CELF5: variants seen among roughly 807,000 people sequenced by gnomAD.
The protein encoded by CELF5 is CUG-BP and ETR-3 like factor 5.
Under a neutral mutation model 54.9 loss-of-function variants are expected in CELF5, and 6 were observed. The ratio of observed to expected loss-of-function variants is 0.11; its 90% CI spans 0.06 to 0.22. CELF5 has a LOEUF of 0.22. CELF5 is among the 10% of genes least tolerant of loss of function. The pLI, the probability that CELF5 is intolerant of heterozygous loss-of-function variation, is 1.00. For missense variants in CELF5, 401 were observed against 678.6 expected (o/e 0.59, Z 4.54); for synonymous variants, 271 against 290.9 (o/e 0.93, Z 0.70).
At chr19:3,256,582 T>G (rs1478734072) in intron 2 of CELF5, among the ~76,000 whole-genome samples, 2 of 149,826 alleles carry the variant, frequency 1.3e-5, no homozygotes, top group Non-Finnish European at 3.0e-5. Flanking sequence ...TATTAATTTT[T>G]TTTTGAGACG....
intron 1 of CELF5, among the ~76,000 whole-genome samples, chr19:3,244,496 T>G (rs1339230618): frequency 6.7e-6 from 1 of 149,156 alleles, no homozygotes; most frequent in African/African-American, 2.5e-5. Context: ...GCGGTGTGCA[T>G]GCATCTGTGT....
At chr19:3,227,079 GAGATAC>G (rs1217002242) in intron 1 of CELF5, among the ~76,000 whole-genome samples, 1 of 152,168 alleles carries the variant, frequency 6.6e-6, no homozygotes, top group African/African-American at 2.4e-5. Flanking sequence ...GTCTGTGTGT[GAGATAC>G]AGGGGCTTCA....
intron 1 of CELF5, among the ~76,000 whole-genome samples, chr19:3,229,954 G>A (rs768070343): frequency 8.5e-5 from 13 of 152,128 alleles, no homozygotes; most frequent in African/African-American, 3.1e-4. Context: ...AGGCTCTTCC[G>A]AGGGGTCTTA....
rs558183421 is a variant in CELF5 at position 3,281,461 on chromosome 19, C to T, written c.750+116C>T. ...TCCCTGACTCAGGGTCCTCTCCTGG[C>T]GTGGCTGAACCCCAACTCCAAATTG... On this transcript the variant is annotated intron_variant, in intron 6 of 12. Coordinates refer to ENST00000292672, the MANE Select transcript of CELF5 (RefSeq NM_021938.4). The surrounding 1 kb of genome is among the most constrained non-coding windows in gnomAD (Gnocchi z 6.5). 25 of 1,203,504 alleles carry T rather than the reference C, an allele frequency of 2.1e-5. No homozygotes were observed. Among genetic ancestry groups the T allele is most frequent in the African/African-American group, 1.2e-4 (8 of 66,310 alleles). The allele number at this position is 1,203,504 out of a possible 1,614,324, so 74.6% of individuals were successfully genotyped here. A position where few individuals can be genotyped will look rare whatever the true frequency, so the allele number is the denominator to read the frequency against.
At chr19:3,296,120 G>A (rs1350385683) in intron 12 of CELF5, 1 of 150,792 alleles carries the variant, frequency 6.6e-6, no homozygotes, top group East Asian at 1.9e-4. Context: ...AAAAAGATGG[G>A]GGGAAAAAAT....
At chr19:3,238,870 T>C (rs1170050731) in intron 1 of CELF5, among the ~76,000 whole-genome samples, 1 of 152,092 alleles carries the variant, frequency 6.6e-6, no homozygotes, top group Non-Finnish European at 1.5e-5. Flanking sequence ...GAGGTTGCAG[T>C]GAGCCAAGAT....
chr19:3,248,853 TCTTC>T (rs56977899), intron 1 of CELF5, among the ~76,000 whole-genome samples: 8,551 of 118,758 alleles, frequency 0.072, 407 homozygotes, highest in Admixed American at 0.13. Context: ...TTTCTTTCTT[TCTTC>T]CTTCCTTCCT....
chr19:3,254,917 T>C (rs2079700631), intron 2 of CELF5, among the ~76,000 whole-genome samples: 1 of 151,776 alleles, frequency 6.6e-6, no homozygotes, highest in Admixed American at 6.6e-5. Context: ...ATCCATTCAT[T>C]CATCACTCAC....
rs975226652 is a variant in CELF5, at chr19:3,268,272, G to C, written c.343-5600G>C. Among the ~76,000 whole-genome samples the C allele has an allele frequency of 2.6e-5, 4 of 152,140 alleles. No individual in the cohort carries two copies. The highest frequency in any genetic ancestry group is 9.7e-5 in the African/African-American group (4 of 41,440). ...CCTCAGCCTCCCAAAGTGCTAAAGT[G>C]CTGGGGTTACAGGTGTGAGCCACCA... is the stretch of plus-strand genomic sequence containing the variant. On this transcript the variant is annotated intron_variant, in intron 2 of 12. Coordinates refer to ENST00000292672, the MANE Select transcript of CELF5 (RefSeq NM_021938.4). This position sits in a 1 kb window ranked among gnomAD's most constrained non-coding sequence, Gnocchi z 4.4.
chr19:3,284,981 G>T lies in CELF5; in HGVS notation c.1102+17G>T, dbSNP rs908536034. ...AGTACACAGGTAGGAGGCAGCCCGCGTGCCCGCGCTGGGCCCTGGCCCCGC... is the reference window on the plus strand; with the variant it reads ...AGTACACAGGTAGGAGGCAGCCCGCTTGCCCGCGCTGGGCCCTGGCCCCGC... On this transcript the variant is annotated intron_variant, in intron 9 of 12. Coordinates refer to ENST00000292672, the MANE Select transcript of CELF5 (RefSeq NM_021938.4). 5.6e-6 allele frequency: 9 copies of T among 1,599,156 alleles called. No individual in the cohort carries two copies. Among genetic ancestry groups the T allele is most frequent in the Middle Eastern group, 2.1e-4 (1 of 4,794 alleles).
chr19:3,240,659 C>T (rs528299642), intron 1 of CELF5, among the ~76,000 whole-genome samples: 69 of 151,808 alleles, frequency 4.5e-4, no homozygotes, highest in Non-Finnish European at 8.4e-4. Flanking sequence ...CTATGTTCCA[C>T]ACACCAGGCA....
At chr19:3,226,147 C>T (rs980641070) in intron 1 of CELF5, among the ~76,000 whole-genome samples, 4 of 152,198 alleles carry the variant, frequency 2.6e-5, no homozygotes, top group African/African-American at 9.7e-5. Context: ...CTCCCATCCT[C>T]CAGGAAGACC....
At chr19:3,247,662 C>T (rs1029940648) in intron 1 of CELF5, among the ~76,000 whole-genome samples, 3 of 151,714 alleles carry the variant, frequency 2.0e-5, no homozygotes, top group Admixed American at 6.6e-5. Context: ...TTACATTGCA[C>T]GCTTACGTGT....
chr19:3,231,589 G>A (rs959090125), intron 1 of CELF5, among the ~76,000 whole-genome samples: 5 of 146,856 alleles, frequency 3.4e-5, no homozygotes, highest in Middle Eastern at 3.7e-3. Context: ...TTGTAGATGG[G>A]TGGGTGGATG....
At chr19:3,231,567 G>C (rs981829283) in intron 1 of CELF5, among the ~76,000 whole-genome samples, 2 of 151,010 alleles carry the variant, frequency 1.3e-5, no homozygotes, top group African/African-American at 4.9e-5. Context: ...GTGGGTGGAT[G>C]GATGGATGGA....
In CELF5 at chr19:3,282,267, G is replaced by T; in HGVS notation, c.892G>T (p.Gly298Trp). 1 of 1,611,994 alleles carries T rather than the reference G, an allele frequency of 6.2e-7. No individual in the cohort carries two copies. The highest frequency in any genetic ancestry group is 2.2e-5 in the East Asian group (1 of 44,878). ...LPATPIAPAS[G>W]LHSPPLLGTT... The stretch of plus-strand genomic sequence containing the variant: ...TGCCACACCCATCGCTCCTGCCTCT[G>T]GTGAGCCTCCTCCAGGCACCCAAGG... Residue 298 changes from glycine to tryptophan, a missense_variant and splice_region_variant, in exon 7 of 13, where the codon GGG becomes TGG. By Grantham distance (184) the Gly-to-Trp change is radical. Around this residue, in one of 6 missense-constraint regions of CELF5, gnomAD observed 143 missense variants for 147.6 expected, o/e 0.97. Coordinates refer to ENST00000292672, the MANE Select transcript of CELF5 (RefSeq NM_021938.4). The surrounding 1 kb of genome is among the most constrained non-coding windows in gnomAD (Gnocchi z 5.2).
At chr19:3,249,531 A>T (rs536850729) in intron 1 of CELF5, among the ~76,000 whole-genome samples, 1 of 150,430 alleles carries the variant, frequency 6.6e-6, no homozygotes, top group African/African-American at 2.5e-5. Flanking sequence ...ATGTTGCCCA[A>T]TCACAGCCTC....
At chr19:3,250,878 T>A in intron 1 of CELF5, 107 bp from the exon 2 acceptor site, 1 of 620,262 alleles carries the variant, frequency 1.6e-6, no homozygotes, top group East Asian at 2.8e-5. Context: ...TATGCATCTG[T>A]GGATGGAAGC....
chr19:3,260,508 G>A (rs994769224), intron 2 of CELF5, among the ~76,000 whole-genome samples: 5 of 151,780 alleles, frequency 3.3e-5, no homozygotes, highest in Non-Finnish European at 7.4e-5. Flanking sequence ...AGGCTGGAGT[G>A]CAGTGGCAAG....
Sources: gnomAD v4.1 joint callset for allele counts (sites outside exome capture counted in the v4.1 genomes callset) on GRCh38, gnomAD v4.1.1 for gene constraint, gnomAD v4.1.1 regional missense constraint, Gnocchi (gnomAD v3.1) non-coding constraint, MANE v1.5 for transcripts, NCBI Gene and HGNC (gene_info 2026-07-23, HGNC 2026-07-21) for gene names.